Variants in DNAH12 observed in about 807,000 individuals in gnomAD.
DNAH12 encodes the protein axonemal beta dynein heavy chain 12.
In DNAH12, 285 loss-of-function variants were observed where a neutral mutation model predicts 371.5. The observed-to-expected ratio is 0.77, with a 90% CI of 0.70 to 0.85. The LOEUF (loss-of-function observed/expected upper bound fraction) is 0.85, where lower values mean the gene tolerates loss of function less well. DNAH12 is among the 40% of genes least tolerant of loss of function. The pLI is 0.00. For synonymous variants in DNAH12, 1,200 were observed against 1,213.0 expected, an observed-to-expected ratio of 0.99 and a Z score of 0.22; for missense variants, 3,611 against 3,689.4, an observed-to-expected ratio of 0.98 and a Z score of 0.55.
At chr3:57,478,383 A>G (rs181206406) in intron 13 of DNAH12, among the ~76,000 whole-genome samples, 176 of 152,318 alleles carry the variant, frequency 1.2e-3, no homozygotes, top group African/African-American at 4.1e-3. Flanking sequence ...AAAAAAGAAT[A>G]AAAAGAAATA....
In DNAH12 at chr3:57,445,564, CT is replaced by C. The variant is rs536716798; in HGVS notation, c.4180-146del. 3,514 of 695,380 alleles carry C rather than the reference CT, an allele frequency of 5.1e-3. 15 individuals are homozygous for C. The highest frequency in any genetic ancestry group is 5.6e-3 in the Non-Finnish European group (2,745 of 493,624). The allele number at this position is 695,380 out of a possible 1,614,324, so 43.1% of individuals were successfully genotyped here. On this transcript the variant is annotated intron_variant, in intron 27 of 73. Transcript: ENST00000495027. The stretch of plus-strand genomic sequence containing the variant: ...TAAACTCTAATTTTTTTTAGTAGTA[CT>C]TTTAATATTTTTATGCAGTTAGTAT...
At position 57,305,678 on chromosome 3, in the gene DNAH12, G is replaced by A. The variant is rs530201373; in HGVS notation, c.11189+3473C>T. On this transcript the variant is annotated intron_variant, in intron 69 of 73. Coordinates refer to ENST00000495027, the MANE Select transcript of DNAH12 (RefSeq NM_001366028.2). Reference sequence around the variant, plus strand: ...CGCTTTACAGCCCTAGACCCTAAAAGGTCAAAAGGCCGTCTTATTCTCAAT... The same window carrying A: ...CGCTTTACAGCCCTAGACCCTAAAAAGTCAAAAGGCCGTCTTATTCTCAAT... Among the ~76,000 whole-genome samples, 186 of 152,052 alleles carry A rather than the reference G, an allele frequency of 1.2e-3. 1 individual carries two copies. The highest frequency in any genetic ancestry group is 4.2e-3 in the African/African-American group (176 of 41,460).
At chr3:57,488,735 C>T (rs960471314) in intron 12 of DNAH12, among the ~76,000 whole-genome samples, 8 of 152,128 alleles carry the variant, frequency 5.3e-5, no homozygotes, top group African/African-American at 1.9e-4. Context: ...TTCATCTTTA[C>T]AGAAGTTACA....
At chr3:57,335,635 G>C (rs1234134643) in intron 60 of DNAH12, among the ~76,000 whole-genome samples, 1 of 152,168 alleles carries the variant, frequency 6.6e-6, no homozygotes, top group Admixed American at 6.6e-5. Context: ...ATGTATTTGT[G>C]TATCTAAACG....
At chr3:57,545,632 G>A (rs2069518010), upstream of DNAH12, among the ~76,000 whole-genome samples, 1 of 152,000 alleles carries the variant, frequency 6.6e-6, no homozygotes, top group South Asian at 2.1e-4. Flanking sequence ...AGATAGCAAG[G>A]GAAGGGTCCC....
intron 59 of DNAH12, among the ~76,000 whole-genome samples, chr3:57,352,524 T>G (rs1314891961): frequency 1.3e-5 from 2 of 152,128 alleles, no homozygotes; most frequent in East Asian, 1.9e-4. Flanking sequence ...CTGTAAGTAT[T>G]TTAAAATAAA....
chr3:57,424,169 C>T (rs552345018), intron 35 of DNAH12, among the ~76,000 whole-genome samples: 73 of 152,146 alleles, frequency 4.8e-4, no homozygotes, highest in Non-Finnish European at 8.4e-4. Flanking sequence ...AAATTATAAT[C>T]TTTCATAATA....
rs749348277 is a variant in DNAH12 at position 57,457,744 on chromosome 3, C to T, written c.3313G>A (p.Asp1105Asn). 63 of 1,551,280 alleles carry T rather than the reference C, an allele frequency of 4.1e-5. No individual in the cohort carries two copies. In the Middle Eastern group the frequency reaches 5.0e-4, roughly 12 times the overall value. ...VEDLMLRSVH[D>N]VIAAARLAYP... The stretch of plus-strand genomic sequence containing the variant: ...ACCAGCCTGGCTGCAGCGATCACAT[C>T]GTGAACACTCCGGAGCATTAGGTCT... Residue 1105 changes from aspartate (D) to asparagine (N), a missense_variant, in exon 22 of 74, where the codon GAT becomes AAT. Asp to Asn is a conservative substitution (Grantham distance 23). Around this residue, in one of 3 missense-constraint regions of DNAH12, gnomAD observed 1,314 missense variants for 1,398.7 expected, o/e 0.94. Coordinates refer to ENST00000495027, the MANE Select transcript of DNAH12 (RefSeq NM_001366028.2).
Position 57,428,706 on chromosome 3 carries a change from T to TA in DNAH12, c.5179dup (p.Tyr1727LeufsTer21). ...AAAAAGTCCTCTCAGAAGAGCTTGA[T>TA]ATTCTGGTTCACACAGAGGTCCTTT... On this transcript the variant is annotated frameshift_variant, in exon 34 of 74. Coordinates refer to ENST00000495027, the MANE Select transcript of DNAH12 (RefSeq NM_001366028.2). LOFTEE classifies it high-confidence loss of function. 6.4e-7 allele frequency: 1 copy of TA among 1,551,496 alleles called. No homozygotes were observed.
chr3:57,382,229 T>C (rs2063407952), intron 50 of DNAH12, 33 bp downstream of exon 50: 1 of 152,192 alleles, frequency 6.6e-6, no homozygotes, highest in African/African-American at 2.4e-5. Flanking sequence ...TATACATTCA[T>C]GAATATGATT....
intron 57 of DNAH12, 44 bp downstream of exon 57, chr3:57,366,681 CAAAT>C (rs2063058885): frequency 2.0e-5 from 3 of 152,196 alleles, no homozygotes; most frequent in Non-Finnish European, 4.4e-5. Flanking sequence ...TAATGACCTA[CAAAT>C]ATTCCTTTTT....
At chr3:57,361,565 T>A (rs891902754) in intron 58 of DNAH12, among the ~76,000 whole-genome samples, 1 of 151,032 alleles carries the variant, frequency 6.6e-6, no homozygotes, top group African/African-American at 2.4e-5. Flanking sequence ...TCAACTCTTA[T>A]ACCTGTCTTC....
In DNAH12 at chr3:57,301,806, G is replaced by A. The variant is rs940711457; in HGVS notation, c.11323C>T (p.Arg3775Cys). 20 of 1,551,312 alleles carry A rather than the reference G, an allele frequency of 1.3e-5. No individual in the cohort carries two copies. Among genetic ancestry groups the A allele is most frequent in the African/African-American group, 5.5e-5 (4 of 73,018 alleles). The change falls in exon 70 of 74, where the codon CGT becomes TGT. Residue 3775 changes from arginine (R) to cysteine (C), a missense_variant. Physicochemically the swap from Arg to Cys is radical, Grantham distance 180. This residue lies in a region of DNAH12 where 2,266 missense variants were observed against 2,236.9 expected (regional missense o/e 1.01). Coordinates refer to ENST00000495027, the MANE Select transcript of DNAH12 (RefSeq NM_001366028.2). ...AGGGGCTTAAGGCTTGGGTATGAAC[G>A]TTTGGCCCATATTTCTGGAACCTTT... is the stretch of plus-strand genomic sequence containing the variant. ...VGKVPEIWAK[R>C]SYPSLKPLGS...
At chr3:57,380,466 C>T (rs962367398) in intron 50 of DNAH12, 99 bp from the exon 51 acceptor site, 2 of 152,100 alleles carry the variant, frequency 1.3e-5, no homozygotes, top group African/African-American at 2.4e-5. Context: ...TCCAGAGAAA[C>T]TAATCATATA....
chr3:57,395,987 TTTTAA>T (rs2063729154), intron 43 of DNAH12, among the ~76,000 whole-genome samples: 1 of 151,086 alleles, frequency 6.6e-6, no homozygotes, highest in Non-Finnish European at 1.5e-5. Context: ...AATTTAAAAA[TTTTAA>T]TTTAGGCTGG....
chr3:57,415,896 C>T (rs539473120), intron 37 of DNAH12, among the ~76,000 whole-genome samples: 2 of 151,926 alleles, frequency 1.3e-5, no homozygotes, highest in African/African-American at 2.4e-5. Flanking sequence ...TCAAGCAACC[C>T]CCCTGCCTCA....
chr3:57,356,019 G>A (rs948785967), intron 59 of DNAH12, among the ~76,000 whole-genome samples: 19,062 of 152,184 alleles, frequency 0.13, 1,662 homozygotes, highest in East Asian at 0.51. Context: ...ATTACCTCAC[G>A]TTAACGAATT....
chr3:57,518,413 C>A (rs776237581), intron 4 of DNAH12, among the ~76,000 whole-genome samples: 1 of 152,002 alleles, frequency 6.6e-6, no homozygotes, highest in African/African-American at 2.4e-5. Flanking sequence ...GTAATCCCAG[C>A]TATTTGGGAG....
At chr3:57,403,281 T>A in intron 43 of DNAH12, 28 bp downstream of exon 43, 1 of 1,522,860 alleles carries the variant, frequency 6.6e-7, no homozygotes, top group Non-Finnish European at 8.8e-7. Context: ...GTTTTCATTT[T>A]AGATACTAGG....
Sources: allele counts gnomAD v4.1 joint callset (sites outside exome capture counted in the v4.1 genomes callset), GRCh38; gene constraint gnomAD v4.1.1; regional missense constraint gnomAD v4.1.1; transcripts MANE v1.5; gene names NCBI Gene and HGNC (gene_info 2026-07-23, HGNC 2026-07-21).